COL21A1: variants seen among roughly 807,000 people sequenced by gnomAD.
COL21A1 encodes collagen type XXI alpha 1 chain, also known as collagen alpha-1(XXI) chain.
In COL21A1, 149 loss-of-function variants were observed where a neutral mutation model predicts 137.9. The ratio of observed to expected loss-of-function variants is 1.08; its 90% CI spans 0.95 to 1.24. The LOEUF is 1.24. Ranked by LOEUF, COL21A1 falls within the 50% of genes most tolerant of loss-of-function variation. The pLI, the probability that COL21A1 is intolerant of heterozygous loss-of-function variation, is 0.00. For synonymous variants in COL21A1, 456 were observed against 391.5 expected (o/e 1.16, Z -1.95); for missense variants, 1,167 against 1,158.4 (o/e 1.01, Z -0.11).
chr6:56,283,752 T>A (rs185437387), intron 1 of COL21A1, among the ~76,000 whole-genome samples: 1 of 152,172 alleles, frequency 6.6e-6, no homozygotes, highest in East Asian at 2.0e-4. Flanking sequence ...ACTAAATTTT[T>A]AAATAAACCT....
At chr6:56,273,951 C>T (rs1229363022) in intron 1 of COL21A1, among the ~76,000 whole-genome samples, 3 of 152,114 alleles carry the variant, frequency 2.0e-5, no homozygotes. Context: ...ACACCAATAA[C>T]CTTGGCGAAC....
chr6:56,217,582 G>A (rs183502746), intron 1 of COL21A1, among the ~76,000 whole-genome samples: 4 of 152,164 alleles, frequency 2.6e-5, no homozygotes, highest in South Asian at 2.1e-4. Context: ...AGCACAATAA[G>A]GTTAAATATT....
chr6:56,106,709 C>T (rs905119282), intron 16 of COL21A1, among the ~76,000 whole-genome samples: 2 of 152,042 alleles, frequency 1.3e-5, no homozygotes, highest in African/African-American at 2.4e-5. Flanking sequence ...ATAATAAAAA[C>T]TTTTCATATT....
intron 1 of COL21A1, among the ~76,000 whole-genome samples, chr6:56,229,150 G>A (rs1781388821): frequency 1.3e-5 from 2 of 151,886 alleles, no homozygotes; most frequent in South Asian, 2.1e-4. Context: ...GAAGGCTGAG[G>A]CAGGAGAATT....
intron 17 of COL21A1, among the ~76,000 whole-genome samples, chr6:56,098,532 TATATATAA>T (rs1562192989): frequency 2.8e-4 from 5 of 17,982 alleles, no homozygotes; most frequent in African/African-American, 1.1e-3. Context: ...TATATAAATA[TATATATAA>T]ATATATAAAT....
At chr6:56,336,416 T>G (rs1050533979) in intron 1 of COL21A1, among the ~76,000 whole-genome samples, 1 of 152,208 alleles carries the variant, frequency 6.6e-6, no homozygotes, top group African/African-American at 2.4e-5. Flanking sequence ...ATGTGGATAC[T>G]ATTCACTTTA....
At chr6:56,274,441 A>G (rs1763594161) in intron 1 of COL21A1, among the ~76,000 whole-genome samples, 1 of 152,226 alleles carries the variant, frequency 6.6e-6, no homozygotes, top group Non-Finnish European at 1.5e-5. Flanking sequence ...CTCTTTGCTG[A>G]TGATATGATT....
chr6:56,107,547 C>T (rs1413545498), intron 16 of COL21A1, among the ~76,000 whole-genome samples: 1 of 151,846 alleles, frequency 6.6e-6, no homozygotes, highest in Non-Finnish European at 1.5e-5. Context: ...AAACTCTCAT[C>T]TTCATAGGAA....
intron 1 of COL21A1, among the ~76,000 whole-genome samples, chr6:56,285,967 T>C (rs1270455867): frequency 6.6e-6 from 1 of 152,220 alleles, no homozygotes; most frequent in Non-Finnish European, 1.5e-5. Context: ...TTTTTTGCCT[T>C]TCCCTAAGCC....
At position 56,060,082 on chromosome 6, in the gene COL21A1, T is replaced by C; in HGVS notation, c.2544A>G (p.Pro848=). The C allele has an allele frequency of 1.2e-6, 2 of 1,610,968 alleles. No individual in the cohort carries two copies. Among genetic ancestry groups the C allele is most frequent in the African/African-American group, 2.7e-5 (2 of 74,864 alleles). ...CTAATCCAGGAACACCATCTCTTCC[T>C]GGCAAACCAGGTAATCCTCTGGGAC... ...PEGPRGLPGL[P]GRDGVPGLVG... The change falls in exon 28 of 30, where the codon CCA becomes CCG. Residue 848 remains proline, a synonymous_variant. Coordinates refer to ENST00000244728, the MANE Select transcript of COL21A1 (RefSeq NM_030820.4).
At chr6:56,306,604 G>T (rs1279682836) in intron 1 of COL21A1, among the ~76,000 whole-genome samples, 1 of 151,966 alleles carries the variant, frequency 6.6e-6, no homozygotes, top group African/African-American at 2.4e-5. Context: ...GGACTTTTCT[G>T]CATTGATTAT....
chr6:56,345,510 C>T (rs1330569373), intron 1 of COL21A1, among the ~76,000 whole-genome samples: 1 of 152,180 alleles, frequency 6.6e-6, no homozygotes, highest in Non-Finnish European at 1.5e-5. Context: ...ATGGAGAAGT[C>T]AGTGGCTGAA....
intron 1 of COL21A1, among the ~76,000 whole-genome samples, chr6:56,375,659 C>G (rs146682600): frequency 2.6e-5 from 4 of 152,168 alleles, no homozygotes; most frequent in African/African-American, 9.6e-5. Flanking sequence ...TTTTCATATT[C>G]CTTAGTCACA....
At chr6:56,241,800 T>A (rs1256167585) in intron 1 of COL21A1, among the ~76,000 whole-genome samples, 1 of 152,258 alleles carries the variant, frequency 6.6e-6, no homozygotes, top group African/African-American at 2.4e-5. Context: ...TACATCATGC[T>A]ATGCTTGTTG....
At chr6:56,112,235 GA>G (rs899144117) in intron 16 of COL21A1, among the ~76,000 whole-genome samples, 7 of 151,950 alleles carry the variant, frequency 4.6e-5, no homozygotes, top group Non-Finnish European at 7.4e-5. Flanking sequence ...CTCCCTATGG[GA>G]AAAAAATGAG....
intron 12 of COL21A1, among the ~76,000 whole-genome samples, chr6:56,129,603 T>C (rs1042748917): frequency 2.0e-5 from 3 of 152,096 alleles, no homozygotes; most frequent in African/African-American, 4.8e-5. Context: ...ACTAAATGTC[T>C]TTCTCAAGAA....
chr6:56,366,249 T>A (rs1337830479), intron 1 of COL21A1, among the ~76,000 whole-genome samples: 5 of 152,172 alleles, frequency 3.3e-5, no homozygotes, highest in Admixed American at 3.3e-4. Context: ...AAACCCTGAT[T>A]ACAACACAGC....
At chr6:56,318,712 C>T (rs1037512229) in intron 1 of COL21A1, among the ~76,000 whole-genome samples, 1 of 152,078 alleles carries the variant, frequency 6.6e-6, no homozygotes, top group African/African-American at 2.4e-5. Context: ...CTCAAGCACA[C>T]CTCTCCTGAC....
intron 1 of COL21A1, among the ~76,000 whole-genome samples, chr6:56,387,765 C>T (rs959609729): frequency 1.3e-5 from 2 of 152,182 alleles, no homozygotes; most frequent in African/African-American, 2.4e-5. Flanking sequence ...AAATTATCCC[C>T]AGCAGAAGTC....
Sources: allele counts gnomAD v4.1 joint callset (sites outside exome capture counted in the v4.1 genomes callset), GRCh38; gene constraint gnomAD v4.1.1; transcripts MANE v1.5; gene names NCBI Gene and HGNC (gene_info 2026-07-23, HGNC 2026-07-21).